The following AP1S2 variants were observed in gnomAD, a reference collection of about 807,000 sequenced individuals.
AP1S2 encodes adaptor related protein complex 1 subunit sigma 2.
In AP1S2, 1 loss-of-function variant was observed where a neutral mutation model predicts 14.3. That is an observed-to-expected ratio of 0.07 (90% CI 0.02 to 0.33). The LOEUF is 0.33. Ranked by LOEUF, AP1S2 falls within the 10% of genes least tolerant of loss-of-function variation. The probability of loss-of-function intolerance (pLI) is 0.99; values close to 1 mark genes in which losing one functional copy is unlikely to be tolerated. For missense variants in AP1S2, 30 were observed against 117.7 expected, an observed-to-expected ratio of 0.25 and a Z score of 3.45; for synonymous variants, 30 against 40.5, an observed-to-expected ratio of 0.74 and a Z score of 0.99.
chrX:15,834,016 T>A (rs1933517228), intron 4 of AP1S2, among the ~76,000 whole-genome samples: 1 of 111,270 alleles, frequency 9.0e-6, no homozygotes, highest in South Asian at 3.8e-4. Context: ...TGAGAAAAAA[T>A]TTTTTAATCC....
intron 4 of AP1S2, chrX:15,833,449 A>C: frequency 1.1e-6 from 1 of 890,067 alleles, no homozygotes; most frequent in Admixed American, 5.5e-5. Flanking sequence ...ATTACCATCT[A>C]TTAAATGTGA....
rs190676541 is a variant in AP1S2, at chrX:15,842,759, T to C, written c.426+2620A>G. Among the ~76,000 whole-genome samples, 91 of 112,554 alleles carry C rather than the reference T, an allele frequency of 8.1e-4. 1 individual carries two copies. The highest frequency in any genetic ancestry group is 2.9e-3 in the African/African-American group (89 of 31,009). On this transcript the variant is annotated intron_variant, in intron 4 of 5. Coordinates refer to ENST00000672987, the MANE Select transcript of AP1S2 (RefSeq NM_001272071.2). ...AGACATAAAAATAGGCTGGATGCGG[T>C]GGCTTACGCCTGTAATCCCAGCACT...
intron 4 of AP1S2, chrX:15,831,664 A>G: frequency 1.3e-6 from 1 of 773,731 alleles, no homozygotes; most frequent in Non-Finnish European, 1.6e-6. Context: ...AAAGATAACT[A>G]AAACTTAAGT....
intron 4 of AP1S2, among the ~76,000 whole-genome samples, chrX:15,834,439 A>AATACATAT (rs1933536109): frequency 4.0e-5 from 1 of 25,133 alleles, no homozygotes; most frequent in African/African-American, 1.4e-4. Flanking sequence ...TCCCTTCCAA[A>AATACATAT]ATATATATAT....
chrX:15,850,564 G>A (rs1934146566), intron 2 of AP1S2, among the ~76,000 whole-genome samples: 1 of 105,990 alleles, frequency 9.4e-6, no homozygotes, highest in Non-Finnish European at 1.9e-5. Flanking sequence ...GTCTCACTAA[G>A]TTGCCAGGGC....
intron 4 of AP1S2, among the ~76,000 whole-genome samples, chrX:15,844,242 A>T (rs1228496577): frequency 8.9e-6 from 1 of 112,354 alleles, no homozygotes. Flanking sequence ...TAAAATGGAG[A>T]AAGTAAGTTA....
Position 15,845,909 on chromosome X carries a change from G to A in AP1S2, c.282C>T (p.Phe94=), listed in dbSNP as rs1387099290. 2.4e-5 allele frequency: 29 copies of A among 1,196,160 alleles called. No homozygotes were observed. The highest frequency in any genetic ancestry group is 3.3e-5 in the Non-Finnish European group (29 of 882,814). Reference sequence around the variant, plus strand: ...AAAATAAAATACTACTCACACTGCCGAAATACTTGTCAAGTAATTCCACAT... The same window carrying A: ...AAAATAAAATACTACTCACACTGCCAAAATACTTGTCAAGTAATTCCACAT... ...HRYVELLDKY[F]GSVCELDIIF... The change falls in exon 3 of 6, where the codon TTC becomes TTT. Residue 94 remains phenylalanine, a synonymous_variant. Coordinates refer to ENST00000672987, the MANE Select transcript of AP1S2 (RefSeq NM_001272071.2).
At chrX:15,841,222 T>G (rs1462927829) in intron 4 of AP1S2, among the ~76,000 whole-genome samples, 6 of 110,995 alleles carry the variant, frequency 5.4e-5, no homozygotes, top group Non-Finnish European at 1.1e-4. Context: ...GTAAGAGAAA[T>G]TTTTTTTTAA....
chrX:15,843,219 T>C (rs1203740724), intron 4 of AP1S2, among the ~76,000 whole-genome samples: 1 of 111,813 alleles, frequency 8.9e-6, no homozygotes, highest in Non-Finnish European at 1.9e-5. Context: ...TTAACATTGC[T>C]GTCATATTCT....
rs1321940578 is a variant in AP1S2, at chrX:15,826,588, CTAAG to C, written c.*733_*736del. 9.0e-5 allele frequency: 10 copies of C among 111,388 alleles called. No individual in the cohort carries two copies. The Admixed American group carries it at 9.5e-4, about 11-fold the overall frequency. The allele number at this position is 111,388 out of a possible 1,213,427, so 9.2% of individuals were successfully genotyped here. On this transcript the variant is annotated 3_prime_UTR_variant, in exon 6 of 6. Coordinates refer to ENST00000672987, the MANE Select transcript of AP1S2 (RefSeq NM_001272071.2). ...CTTTATTTTGGGGCATCAAAAACAA[CTAAG>C]TATTTGATTATGACCACAAAAAATT...
At chrX:15,837,755 C>T (rs1933692783) in intron 4 of AP1S2, among the ~76,000 whole-genome samples, 1 of 109,086 alleles carries the variant, frequency 9.2e-6, no homozygotes, top group African/African-American at 3.3e-5. Flanking sequence ...TACAGGCACG[C>T]ACCACCACGC....
Position 15,832,266 on chromosome X carries a change from A to G in AP1S2, c.427-4066T>C, listed in dbSNP as rs189075409. 5 of 724,026 alleles carry G rather than the reference A, an allele frequency of 6.9e-6. No individual in the cohort carries two copies. In the African/African-American group the frequency reaches 1.2e-4, roughly 17 times the overall value. The allele number at this position is 724,026 out of a possible 1,213,427, so 59.7% of individuals were successfully genotyped here. On this transcript the variant is annotated intron_variant, in intron 4 of 5. Transcript: ENST00000672987. ...CAGCCCATCATCCTTCAGACTCTCAAAGGGATTATATCCCCACCAGAAAGC... is the reference window on the plus strand; with the variant it reads ...CAGCCCATCATCCTTCAGACTCTCAGAGGGATTATATCCCCACCAGAAAGC...
chrX:15,852,672 G>T, intron 1 of AP1S2, 148 bp from the exon 2 acceptor site: 1 of 661,349 alleles, frequency 1.5e-6, no homozygotes, highest in Non-Finnish European at 2.2e-6. Flanking sequence ...AATTAAAATA[G>T]CAAGAAATTC....
intron 4 of AP1S2, among the ~76,000 whole-genome samples, chrX:15,844,489 C>G (rs749299323): frequency 8.9e-5 from 10 of 112,731 alleles, no homozygotes; most frequent in Non-Finnish European, 1.7e-4. Flanking sequence ...ACACACTTAA[C>G]AACTACTTTA....
chrX:15,854,608 C>A (rs1400298516), intron 1 of AP1S2, 80 bp downstream of exon 1: 3 of 427,422 alleles, frequency 7.0e-6, no homozygotes, highest in Non-Finnish European at 8.8e-6. Context: ...GGGGCGCGCG[C>A]GGGGTGGCGG....
At position 15,827,153 on chromosome X, in the gene AP1S2, T is replaced by C. The variant is rs1933290478; in HGVS notation, c.*172A>G. ...CATATTTAAGTCCCTTATCACTTAA[T>C]TAACTAAAGTTCCCTTTTAAAAAAA... On this transcript the variant is annotated 3_prime_UTR_variant, in exon 6 of 6. Transcript: ENST00000672987. 2.0e-6 allele frequency: 1 copy of C among 491,802 alleles called. No homozygotes were observed. The highest frequency in any genetic ancestry group is 2.3e-5 in the African/African-American group (1 of 43,080). 40.5% of individuals were successfully genotyped at this position (491,802 alleles called of 1,213,427 possible). A position where few individuals can be genotyped will look rare whatever the true frequency, so the allele number is the denominator to read the frequency against.
In AP1S2 at chrX:15,854,704, G is replaced by T. The variant is rs1410519050; in HGVS notation, c.-17C>A. 110 of 776,814 alleles carry T rather than the reference G, an allele frequency of 1.4e-4. 1 individual carries two copies. The highest frequency in any genetic ancestry group is 1.2e-5 in the Non-Finnish European group (8 of 654,651). 64.0% of individuals were successfully genotyped at this position (776,814 alleles called of 1,213,427 possible). Reference sequence around the variant, plus strand: ...GGGACTTACGGCGGCCGCGGGCCGCGGGCGCGGCGGAGCTTGGCCGGCGGC... The same window carrying T: ...GGGACTTACGGCGGCCGCGGGCCGCTGGCGCGGCGGAGCTTGGCCGGCGGC... On this transcript the variant is annotated 5_prime_UTR_variant, in exon 1 of 6. Transcript: ENST00000672987.
At chrX:15,835,310 G>C (rs1294421865) in intron 4 of AP1S2, among the ~76,000 whole-genome samples, 1 of 111,923 alleles carries the variant, frequency 8.9e-6, no homozygotes, top group Non-Finnish European at 1.9e-5. Context: ...CTATAAAGTG[G>C]TATGCTTAGT....
At chrX:15,841,563 C>T (rs971940423) in intron 4 of AP1S2, among the ~76,000 whole-genome samples, 1 of 111,910 alleles carries the variant, frequency 8.9e-6, no homozygotes, top group Non-Finnish European at 1.9e-5. Context: ...TGCTATACCC[C>T]AAACTATAAG....
Sources: allele counts gnomAD v4.1 joint callset (sites outside exome capture counted in the v4.1 genomes callset), GRCh38; gene constraint gnomAD v4.1.1; transcripts MANE v1.5; gene names NCBI Gene and HGNC (gene_info 2026-07-23, HGNC 2026-07-21).